WIPF2: variants seen among roughly 807,000 people sequenced by gnomAD.
WIPF2 encodes the protein WAS/WASL-interacting protein family member 2.
A neutral mutation model predicts 38.8 loss-of-function variants in WIPF2; 23 were observed. That is an observed-to-expected ratio of 0.59 (90% CI 0.43 to 0.84). The LOEUF (loss-of-function observed/expected upper bound fraction) is 0.84. Among genes scored for constraint, WIPF2 ranks in the 40% least tolerant of loss-of-function variants. WIPF2 has a pLI of 0.00. For synonymous variants in WIPF2, 210 were observed against 223.2 expected, an observed-to-expected ratio of 0.94 and a Z score of 0.53; for missense variants, 574 against 580.5, an observed-to-expected ratio of 0.99 and a Z score of 0.11.
intron 1 of WIPF2, among the ~76,000 whole-genome samples, chr17:40,250,649 TCTGAAGAGCA>T (rs1413391709): frequency 6.6e-6 from 1 of 152,086 alleles, no homozygotes; most frequent in African/African-American, 2.4e-5. Flanking sequence ...AGTCAAGGTC[TCTGAAGAGCA>T]CAGATGGTGA....
At chr17:40,244,064 G>A (rs2031280555) in intron 1 of WIPF2, among the ~76,000 whole-genome samples, 1 of 152,198 alleles carries the variant, frequency 6.6e-6, no homozygotes, top group African/African-American at 2.4e-5. Flanking sequence ...ATTGAGAGGA[G>A]AGGGCTGTGA....
intron 1 of WIPF2, among the ~76,000 whole-genome samples, chr17:40,253,439 C>A (rs1426503441): frequency 6.6e-6 from 1 of 152,190 alleles, no homozygotes; most frequent in Non-Finnish European, 1.5e-5. Flanking sequence ...ACAGTAAACC[C>A]AGGGGATGCA....
At chr17:40,274,557 G>GAAAAAAAAAAAA (rs571085371) in intron 6 of WIPF2, among the ~76,000 whole-genome samples, 4 of 24,780 alleles carry the variant, frequency 1.6e-4, no homozygotes, top group Non-Finnish European at 1.6e-4. Flanking sequence ...TGGAATTCTT[G>GAAAAAAAAAAAA]AAAAAAAAAA....
At chr17:40,226,457 C>T (rs866888645) in intron 1 of WIPF2, among the ~76,000 whole-genome samples, 1 of 151,432 alleles carries the variant, frequency 6.6e-6, no homozygotes, top group African/African-American at 2.4e-5. Context: ...CCTCGCGATC[C>T]GCCCACCTTG....
At chr17:40,249,086 A>AGG (rs1247200762) in intron 1 of WIPF2, among the ~76,000 whole-genome samples, 3 of 152,202 alleles carry the variant, frequency 2.0e-5, no homozygotes, top group Non-Finnish European at 4.4e-5. Flanking sequence ...CTGAGATCAA[A>AGG]GGAAAGTACT....
intron 6 of WIPF2, among the ~76,000 whole-genome samples, chr17:40,275,116 C>G (rs921327416): frequency 1.3e-5 from 2 of 151,424 alleles, no homozygotes; most frequent in Non-Finnish European, 2.9e-5. Flanking sequence ...TGGCACGCAG[C>G]CATAATCCCA....
chr17:40,270,120 C>G (rs2032204373), intron 5 of WIPF2, among the ~76,000 whole-genome samples: 1 of 151,156 alleles, frequency 6.6e-6, no homozygotes, highest in East Asian at 2.0e-4. Flanking sequence ...AATCCCAGCA[C>G]TTTGGGAGGC....
At chr17:40,219,804 C>T (rs1172609183) in intron 1 of WIPF2, 1 of 152,450 alleles carries the variant, frequency 6.6e-6, no homozygotes, top group Non-Finnish European at 1.5e-5. Flanking sequence ...AATAAGGGCT[C>T]CTGAAGGGTT....
At chr17:40,220,612 TATATATGTATATATATATA>T (rs2030179382) in intron 1 of WIPF2, 3 of 123,852 alleles carry the variant, frequency 2.4e-5, no homozygotes, top group African/African-American at 6.5e-5. Flanking sequence ...TATATATATA[TATATATGTATATATATATA>T]TTTTTTTGTT....
At chr17:40,234,346 T>C (rs2030870035) in intron 1 of WIPF2, among the ~76,000 whole-genome samples, 1 of 152,132 alleles carries the variant, frequency 6.6e-6, no homozygotes, top group Admixed American at 6.6e-5. Flanking sequence ...GAAGAATTGC[T>C]TGGGAGAACC....
At chr17:40,232,945 C>A (rs2030813216) in intron 1 of WIPF2, among the ~76,000 whole-genome samples, 1 of 152,080 alleles carries the variant, frequency 6.6e-6, no homozygotes, top group South Asian at 2.1e-4. Context: ...GCTCATTTCT[C>A]TATTTTTGTG....
At chr17:40,271,368 G>A (rs1016493821) in intron 5 of WIPF2, among the ~76,000 whole-genome samples, 2 of 152,206 alleles carry the variant, frequency 1.3e-5, no homozygotes, top group African/African-American at 4.8e-5. Flanking sequence ...ATTGGGCCAC[G>A]TGCTGTGGCA....
In WIPF2 at chr17:40,278,673, G is replaced by C. The variant is rs2032480254; in HGVS notation, c.*448G>C. On this transcript the variant is annotated 3_prime_UTR_variant, in exon 8 of 8. Transcript: ENST00000323571. Reference sequence around the variant, plus strand: ...GCATGACCAGGACTTATGGGTGGGAGGGGAGCATTTTTAGTGAAGCAAGAA... The same window carrying C: ...GCATGACCAGGACTTATGGGTGGGACGGGAGCATTTTTAGTGAAGCAAGAA... 1 of 157,210 alleles carries C rather than the reference G, an allele frequency of 6.4e-6. No individual in the cohort carries two copies. The highest frequency in any genetic ancestry group is 2.4e-5 in the African/African-American group (1 of 41,542). The allele number at this position is 157,210 out of a possible 1,614,324, so 9.7% of individuals were successfully genotyped here.
chr17:40,219,600 G>A (rs1388732016), intron 1 of WIPF2, 108 bp downstream of exon 1: 1 of 140,940 alleles, frequency 7.1e-6, no homozygotes, highest in Non-Finnish European at 1.5e-5. Flanking sequence ...TGAGAAGAGA[G>A]GGGGGCATTA....
At chr17:40,263,374 G>A (rs1156260360) in intron 4 of WIPF2, among the ~76,000 whole-genome samples, 1 of 152,026 alleles carries the variant, frequency 6.6e-6, no homozygotes, top group South Asian at 2.1e-4. Context: ...GACAGTAGGC[G>A]TTGCTCAGGC....
At chr17:40,239,938 C>G (rs1181870322) in intron 1 of WIPF2, among the ~76,000 whole-genome samples, 1 of 152,114 alleles carries the variant, frequency 6.6e-6, no homozygotes, top group East Asian at 1.9e-4. Context: ...CTCAGGTGTT[C>G]CACCCACCTT....
chr17:40,242,976 A>G (rs1355270226), intron 1 of WIPF2, among the ~76,000 whole-genome samples: 1 of 152,120 alleles, frequency 6.6e-6, no homozygotes, highest in Non-Finnish European at 1.5e-5. Flanking sequence ...TTTAATTTAC[A>G]TGGCTTTTGC....
intron 1 of WIPF2, among the ~76,000 whole-genome samples, chr17:40,230,662 G>T (rs1412663961): frequency 1.3e-5 from 2 of 152,092 alleles, no homozygotes; most frequent in African/African-American, 4.8e-5. Context: ...GGGATGATGG[G>T]ATTGTTAGTT....
chr17:40,233,070 C>T (rs1183060296), intron 1 of WIPF2, among the ~76,000 whole-genome samples: 3 of 152,154 alleles, frequency 2.0e-5, no homozygotes, highest in Non-Finnish European at 2.9e-5. Flanking sequence ...GTGGTTACAC[C>T]CAGGCTGTGG....
Sources: allele counts gnomAD v4.1 joint callset (sites outside exome capture counted in the v4.1 genomes callset), GRCh38; gene constraint gnomAD v4.1.1; transcripts MANE v1.5; gene names NCBI Gene and HGNC (gene_info 2026-07-23, HGNC 2026-07-21).